Variants in SMIM3 observed in about 807,000 individuals in gnomAD.
SMIM3 encodes NGF-induced differentiation clone 67 protein.
Under a neutral mutation model 2.1 loss-of-function variants are expected in SMIM3, and 4 were observed. That is an observed-to-expected ratio of 1.89 (90% confidence interval 0.93 to 4.31). The LOEUF (loss-of-function observed/expected upper bound fraction) is 4.31, where lower values mean the gene tolerates loss of function less well. Among genes scored for constraint, SMIM3 ranks in the 30% most tolerant of loss-of-function variants. SMIM3 has a pLI of 0.01. For missense variants in SMIM3, 79 were observed against 77.7 expected (o/e 1.02, Z -0.06); for synonymous variants, 29 against 30.8 (o/e 0.94, Z 0.19).
chr5:150,785,912 C>T (rs1411252072), intron 1 of SMIM3, among the ~76,000 whole-genome samples: 1 of 152,082 alleles, frequency 6.6e-6, no homozygotes, highest in East Asian at 1.9e-4. Context: ...TTATGGATTC[C>T]AATTTATGTA....
At chr5:150,791,249 C>T (rs543369660) in intron 1 of SMIM3, among the ~76,000 whole-genome samples, 1 of 152,274 alleles carries the variant, frequency 6.6e-6, no homozygotes, top group East Asian at 1.9e-4. Flanking sequence ...AAGTGTTCTG[C>T]ACTTTATTTT....
chr5:150,795,015 G>A (rs1021967109), intron 1 of SMIM3, among the ~76,000 whole-genome samples: 4 of 152,046 alleles, frequency 2.6e-5, no homozygotes, highest in Non-Finnish European at 5.9e-5. Context: ...GAACAGACTG[G>A]TAGTATGGTA....
intron 1 of SMIM3, among the ~76,000 whole-genome samples, chr5:150,780,944 G>A (rs1214339185): frequency 6.6e-6 from 1 of 152,068 alleles, no homozygotes; most frequent in Non-Finnish European, 1.5e-5. Flanking sequence ...CCCAGTAAGC[G>A]GAATGATGTT....
intron 1 of SMIM3, among the ~76,000 whole-genome samples, chr5:150,783,850 T>C (rs1048994867): frequency 6.6e-6 from 1 of 151,964 alleles, no homozygotes; most frequent in Admixed American, 6.6e-5. Flanking sequence ...GTTTCCTACA[T>C]TGGGCCCAGA....
chr5:150,793,280 C>G (rs1307166208), intron 1 of SMIM3, among the ~76,000 whole-genome samples: 7 of 152,126 alleles, frequency 4.6e-5, no homozygotes, highest in Admixed American at 4.6e-4. Context: ...CAATCCCCAT[C>G]AGAATACCAC....
At chr5:150,787,961 A>C (rs919905495) in intron 1 of SMIM3, among the ~76,000 whole-genome samples, 3 of 152,152 alleles carry the variant, frequency 2.0e-5, no homozygotes, top group East Asian at 1.9e-4. Flanking sequence ...AAATGAATGA[A>C]TATCCTGGAC....
intron 1 of SMIM3, among the ~76,000 whole-genome samples, chr5:150,794,838 A>C (rs745311821): frequency 6.6e-6 from 1 of 152,108 alleles, no homozygotes; most frequent in Non-Finnish European, 1.5e-5. Context: ...ATACCTTTTT[A>C]ATTTTATTTT....
intron 1 of SMIM3, among the ~76,000 whole-genome samples, chr5:150,781,721 G>A (rs1465616598): frequency 6.6e-6 from 1 of 152,112 alleles, no homozygotes; most frequent in Admixed American, 6.5e-5. Flanking sequence ...CACACATTGA[G>A]GCAAGGCACT....
In SMIM3 at chr5:150,795,566, C is replaced by T; in HGVS notation, c.126C>T (p.Ala42=). 6.2e-7 allele frequency: 1 copy of T among 1,602,134 alleles called. No homozygotes were observed. Among genetic ancestry groups the T allele is most frequent in the Non-Finnish European group, 8.5e-7 (1 of 1,177,266 alleles). Residue 42 remains alanine (A), a synonymous_variant, in exon 2 of 2, where the codon GCC becomes GCT. Transcript: ENST00000526627. ...VIMTSLLLCP[A]TAVIIYRMRT... ...TGACCTCGTTGTTGCTGTGCCCAGC[C>T]ACTGCAGTAATCATCTATCGCATGC...
At chr5:150,791,238 C>A (rs1023076097) in intron 1 of SMIM3, among the ~76,000 whole-genome samples, 8 of 152,206 alleles carry the variant, frequency 5.3e-5, no homozygotes, top group Admixed American at 5.2e-4. Context: ...ATCCTATACA[C>A]AAGTGTTCTG....
At chr5:150,785,906 G>T (rs1162294909) in intron 1 of SMIM3, among the ~76,000 whole-genome samples, 3 of 152,012 alleles carry the variant, frequency 2.0e-5, no homozygotes, top group Non-Finnish European at 4.4e-5. Context: ...TTCTAATTAT[G>T]GATTCCAATT....
At chr5:150,787,524 G>A (rs1267018527) in intron 1 of SMIM3, among the ~76,000 whole-genome samples, 3 of 152,302 alleles carry the variant, frequency 2.0e-5, no homozygotes, top group East Asian at 3.9e-4. Flanking sequence ...CATTGGGTCT[G>A]TGTGGACTCT....
intron 1 of SMIM3, among the ~76,000 whole-genome samples, chr5:150,780,228 T>C (rs1753217860): frequency 6.6e-6 from 1 of 152,086 alleles, no homozygotes; most frequent in Non-Finnish European, 1.5e-5. Flanking sequence ...CTGGCCCTTG[T>C]CTTCCCTATC....
At chr5:150,785,580 CTTTTT>C (rs35273478) in intron 1 of SMIM3, among the ~76,000 whole-genome samples, 2 of 113,682 alleles carry the variant, frequency 1.8e-5, no homozygotes, top group Admixed American at 1.1e-4. Context: ...TATTTCTTTT[CTTTTT>C]TTTTTTTTTT....
intron 1 of SMIM3, among the ~76,000 whole-genome samples, chr5:150,792,074 G>A (rs1753355060): frequency 6.6e-6 from 1 of 152,148 alleles, no homozygotes; most frequent in African/African-American, 2.4e-5. Flanking sequence ...TAACATCCTT[G>A]TATGTATTTC....
At chr5:150,789,322 C>G (rs1325268381) in intron 1 of SMIM3, among the ~76,000 whole-genome samples, 3 of 152,132 alleles carry the variant, frequency 2.0e-5, no homozygotes, top group African/African-American at 7.2e-5. Flanking sequence ...ATTAAAGATG[C>G]TGAAGATATG....
chr5:150,791,412 C>T (rs1383099656), intron 1 of SMIM3, among the ~76,000 whole-genome samples: 10 of 152,146 alleles, frequency 6.6e-5, no homozygotes, highest in East Asian at 5.8e-4. Flanking sequence ...CCCATTCCCC[C>T]GACCTTCCAG....
intron 1 of SMIM3, among the ~76,000 whole-genome samples, chr5:150,780,471 G>A (rs1753220198): frequency 6.6e-6 from 1 of 152,164 alleles, no homozygotes; most frequent in Non-Finnish European, 1.5e-5. Flanking sequence ...ATCATGCTGT[G>A]GGGGTTACAA....
rs537962884 is a variant in SMIM3, at chr5:150,795,535, T to A, written c.95T>A (p.Val32Asp). The change falls in exon 2 of 2, where the codon GTC becomes GAC. Residue 32 changes from valine (V) to aspartate (D), a missense_variant. Transcript: ENST00000526627. ...VIVLIILATI[V>D]IMTSLLLCPA... Reference sequence around the variant, plus strand: ...GTCCTCATCATCCTGGCCACCATTGTCATCATGACCTCGTTGTTGCTGTGC... The same window carrying A: ...GTCCTCATCATCCTGGCCACCATTGACATCATGACCTCGTTGTTGCTGTGC... 3 of 1,611,990 alleles carry A rather than the reference T, an allele frequency of 1.9e-6. No individual in the cohort carries two copies. The highest frequency in any genetic ancestry group is 1.3e-5 in the African/African-American group (1 of 75,056).
Sources: gnomAD v4.1 joint callset for allele counts (sites outside exome capture counted in the v4.1 genomes callset) on GRCh38, gnomAD v4.1.1 for gene constraint, MANE v1.5 for transcripts, NCBI Gene and HGNC (gene_info 2026-07-23, HGNC 2026-07-21) for gene names.